The following SPON1 variants were observed in gnomAD, a reference collection of about 807,000 sequenced individuals.
SPON1 encodes spondin 1, also known as spondin-1.
A neutral mutation model predicts 111.7 loss-of-function variants in SPON1; 52 were observed. That is an observed-to-expected ratio of 0.47 (90% CI 0.37 to 0.59). The LOEUF is 0.59. Among genes scored for constraint, SPON1 ranks in the 20% least tolerant of loss-of-function variants. SPON1 has a pLI of 0.00. For synonymous variants in SPON1, 410 were observed against 395.8 expected, an observed-to-expected ratio of 1.04 and a Z score of -0.43; for missense variants, 957 against 1,068.5, an observed-to-expected ratio of 0.90 and a Z score of 1.46.
In SPON1 at chr11:14,202,916, CT is replaced by C. The variant is rs1386253252; in HGVS notation, c.826-40415del. 2.6e-5 allele frequency among the ~76,000 whole-genome samples: 4 copies of C among 152,228 alleles called. No homozygotes were observed. The East Asian group carries it at 7.7e-4, about 29-fold the overall frequency. ...ACAGATTCATCTGGAAACTATGGTGCTGTTAATCTGCTCTGTGTTCATGCTA... is the reference window on the plus strand; with the variant it reads ...ACAGATTCATCTGGAAACTATGGTGCGTTAATCTGCTCTGTGTTCATGCTA... On this transcript the variant is annotated intron_variant, in intron 6 of 15. Transcript: ENST00000576479.
intron 2 of SPON1, among the ~76,000 whole-genome samples, chr11:13,992,994 T>A (rs781990015): frequency 6.6e-6 from 1 of 152,190 alleles, no homozygotes; most frequent in Admixed American, 6.5e-5. Context: ...GAGCTGTTCC[T>A]ATTCAGCCAT....
chr11:14,054,259 A>G (rs988523526), intron 3 of SPON1, among the ~76,000 whole-genome samples: 3 of 152,218 alleles, frequency 2.0e-5, no homozygotes, highest in Admixed American at 2.0e-4. Flanking sequence ...GCTATTCATA[A>G]ATGAAAATCA....
chr11:14,027,032 A>T (rs1848523795), intron 2 of SPON1, among the ~76,000 whole-genome samples: 1 of 152,166 alleles, frequency 6.6e-6, no homozygotes, highest in Non-Finnish European at 1.5e-5. Context: ...CCTCTGATAA[A>T]GCCTGCAGCC....
chr11:14,135,443 A>G lies in SPON1; in HGVS notation c.700A>G (p.Ile234Val). 6.2e-7 allele frequency: 1 copy of G among 1,613,280 alleles called. No individual in the cohort carries two copies. The highest frequency in any genetic ancestry group is 2.2e-5 in the East Asian group (1 of 44,866). Reference sequence around the variant, plus strand: ...AGGTCGGGCCAACCACTGGTCTGCGATCATCGGAGGATCCCACTCCAAGAA... The same window carrying G: ...AGGTCGGGCCAACCACTGGTCTGCGGTCATCGGAGGATCCCACTCCAAGAA... ...YPRRANHWSA[I>V]IGGSHSKNYV... is the part of the protein sequence containing the mutation. The change falls in exon 6 of 16, where the codon ATC becomes GTC. Residue 234 changes from isoleucine to valine, a missense_variant. This residue lies in a region of SPON1 where 122 missense variants were observed against 143.2 expected (regional missense o/e 0.85). Coordinates refer to ENST00000576479, the MANE Select transcript of SPON1 (RefSeq NM_006108.4). This position sits in a 1 kb window ranked among gnomAD's most constrained non-coding sequence, Gnocchi z 4.4.
Position 13,962,794 on chromosome 11 carries a change from C to G in SPON1, c.-111C>G. The G allele has an allele frequency of 3.9e-6, 4 of 1,034,280 alleles. No individual in the cohort carries two copies. In the Admixed American group the frequency reaches 1.4e-4, roughly 37 times the overall value. The allele number at this position is 1,034,280 out of a possible 1,614,324, so 64.1% of individuals were successfully genotyped here. A position where few individuals can be genotyped will look rare whatever the true frequency, so the allele number is the denominator to read the frequency against. ...CCGAGTCGCGGACGCCAGCTCCGAG[C>G]TCCCTCTCTCCGCCGCGCCTCCGCC... On this transcript the variant is annotated 5_prime_UTR_variant, in exon 1 of 16. Coordinates refer to ENST00000576479, the MANE Select transcript of SPON1 (RefSeq NM_006108.4).
chr11:13,972,931 G>T (rs1195792781), intron 1 of SPON1, among the ~76,000 whole-genome samples: 3 of 151,852 alleles, frequency 2.0e-5, no homozygotes, highest in East Asian at 1.9e-4. Context: ...CTCAAATGGG[G>T]TCATTCCATC....
At chr11:14,224,013 G>A (rs1439054331) in intron 6 of SPON1, among the ~76,000 whole-genome samples, 1 of 152,222 alleles carries the variant, frequency 6.6e-6, no homozygotes, top group Admixed American at 6.5e-5. Flanking sequence ...ATTTCTGGCA[G>A]GAATGTTATA....
intron 6 of SPON1, among the ~76,000 whole-genome samples, chr11:14,147,176 C>T (rs1847731203): frequency 1.3e-5 from 2 of 151,446 alleles, no homozygotes; most frequent in Admixed American, 1.3e-4. Flanking sequence ...ACTATAGGCA[C>T]CTGCCACCAT....
chr11:14,167,275 A>T (rs781876535), intron 6 of SPON1, among the ~76,000 whole-genome samples: 2 of 152,090 alleles, frequency 1.3e-5, no homozygotes, highest in African/African-American at 2.4e-5. Flanking sequence ...CATAATTTAT[A>T]ATTTTTTTTT....
At chr11:14,101,320 A>C (rs1268994716) in intron 5 of SPON1, among the ~76,000 whole-genome samples, 1 of 152,120 alleles carries the variant, frequency 6.6e-6, no homozygotes, top group African/African-American at 2.4e-5. Context: ...GAATTGCTTG[A>C]ACCCACGAGG....
Position 14,161,071 on chromosome 11 carries a change from A to AT in SPON1, c.825+25503_825+25504insT, listed in dbSNP as rs374089968. Among the ~76,000 whole-genome samples, 128 of 14,258 alleles carry AT rather than the reference A, an allele frequency of 9.0e-3. 7 individuals are homozygous for AT. The highest frequency in any genetic ancestry group is 0.028 in the Middle Eastern group (1 of 36). 9.4% of individuals were successfully genotyped at this position (14,258 alleles called of 152,430 possible). A position where few individuals can be genotyped will look rare whatever the true frequency, so the allele number is the denominator to read the frequency against. Reference sequence around the variant, plus strand: ...TTTATATATATTTATATATATCTATAATTTTTATATATTTATATATATCTA... The same window carrying AT: ...TTTATATATATTTATATATATCTATATATTTTTATATATTTATATATATCTA... On this transcript the variant is annotated intron_variant, in intron 6 of 15. Coordinates refer to ENST00000576479, the MANE Select transcript of SPON1 (RefSeq NM_006108.4).
intron 2 of SPON1, among the ~76,000 whole-genome samples, chr11:13,999,268 A>G (rs996643361): frequency 6.6e-6 from 1 of 152,128 alleles, no homozygotes; most frequent in Non-Finnish European, 1.5e-5. Flanking sequence ...GGCATGTTCT[A>G]GGCTCTGAGG....
chr11:14,250,642 G>A (rs1028357825), intron 7 of SPON1, among the ~76,000 whole-genome samples: 11 of 151,996 alleles, frequency 7.2e-5, no homozygotes, highest in Non-Finnish European at 1.2e-4. Flanking sequence ...CTAGAAAACG[G>A]ATACAAATCT....
chr11:14,148,380 A>C (rs1442225952), intron 6 of SPON1, among the ~76,000 whole-genome samples: 2 of 152,148 alleles, frequency 1.3e-5, no homozygotes, highest in Non-Finnish European at 2.9e-5. Context: ...AAACGAAGAG[A>C]GGGACCTTTC....
chr11:14,018,235 A>T (rs1396736350), intron 2 of SPON1, among the ~76,000 whole-genome samples: 3 of 152,200 alleles, frequency 2.0e-5, no homozygotes, highest in Non-Finnish European at 4.4e-5. Context: ...CACCTTTCAG[A>T]CAATGAGCTT....
At chr11:13,983,210 A>G (rs1848157877) in intron 2 of SPON1, among the ~76,000 whole-genome samples, 2 of 152,252 alleles carry the variant, frequency 1.3e-5, no homozygotes, top group South Asian at 4.1e-4. Context: ...GTCCTTCAGC[A>G]GCCAAGCGTG....
intron 6 of SPON1, among the ~76,000 whole-genome samples, chr11:14,199,636 G>A (rs565187443): frequency 7.2e-4 from 109 of 152,154 alleles, no homozygotes; most frequent in South Asian, 2.5e-3. Context: ...GCTAACAATG[G>A]CACCCTCCTG....
chr11:14,242,037 A>G (rs1319292303), intron 6 of SPON1, among the ~76,000 whole-genome samples: 9 of 152,032 alleles, frequency 5.9e-5, no homozygotes, highest in African/African-American at 2.2e-4. Context: ...AGGAGCCCAG[A>G]CCACGCTGGG....
chr11:14,017,419 A>G (rs1418511470), intron 2 of SPON1, among the ~76,000 whole-genome samples: 2 of 152,192 alleles, frequency 1.3e-5, no homozygotes, highest in African/African-American at 4.8e-5. Flanking sequence ...TTTTTTAGTA[A>G]TCTATGAATA....
Sources: allele counts gnomAD v4.1 joint callset (sites outside exome capture counted in the v4.1 genomes callset), GRCh38; gene constraint gnomAD v4.1.1; regional missense constraint gnomAD v4.1.1; non-coding constraint Gnocchi (gnomAD v3.1); transcripts MANE v1.5; gene names NCBI Gene and HGNC (gene_info 2026-07-23, HGNC 2026-07-21).